ME3: variants seen among roughly 807,000 people sequenced by gnomAD.
The protein encoded by ME3 is malic enzyme 3, also known as NADP-dependent malic enzyme, mitochondrial.
Under a neutral mutation model 68.9 loss-of-function variants are expected in ME3, and 48 were observed. The observed-to-expected ratio is 0.70, with a 90% CI of 0.55 to 0.89. The LOEUF is 0.89. Among genes scored for constraint, ME3 ranks in the 40% least tolerant of loss-of-function variants. The pLI is 0.00. For synonymous variants in ME3, 320 were observed against 318.8 expected (o/e 1.00, Z -0.04); for missense variants, 675 against 797.4 (o/e 0.85, Z 1.85).
At chr11:86,517,868 G>A (rs1249778010) in intron 4 of ME3, among the ~76,000 whole-genome samples, 1 of 152,208 alleles carries the variant, frequency 6.6e-6, no homozygotes, top group East Asian at 1.9e-4. Context: ...AAGTTGTTCA[G>A]AATATGGGTG....
chr11:86,439,078 C>T (rs561221056), downstream of ME3, among the ~76,000 whole-genome samples: 57 of 152,120 alleles, frequency 3.7e-4, no homozygotes, highest in Non-Finnish European at 5.3e-4. Context: ...TCTATTCAGG[C>T]CTTCAACTAA....
At chr11:86,460,181 G>C (rs1466171881) in intron 8 of ME3, among the ~76,000 whole-genome samples, 1 of 152,244 alleles carries the variant, frequency 6.6e-6, no homozygotes, top group African/African-American at 2.4e-5. Flanking sequence ...CTGAGAGGCT[G>C]CCAGCAATGA....
intron 2 of ME3, among the ~76,000 whole-genome samples, chr11:86,654,793 G>A (rs1945740618): frequency 6.6e-6 from 1 of 152,190 alleles, no homozygotes; most frequent in African/African-American, 2.4e-5. Flanking sequence ...ATTAGGAAAA[G>A]AGGAAGTCAA....
At chr11:86,507,993 ATGGCAACTTTTGCATTC>A in intron 5 of ME3, among the ~76,000 whole-genome samples, 1 of 149,500 alleles carries the variant, frequency 6.7e-6, no homozygotes, top group Non-Finnish European at 1.5e-5. Flanking sequence ...AAAAAAAAAT[ATGGCAACTTTTGCATTC>A]TATAACGTAT....
chr11:86,437,161 A>G (rs907360370), downstream of ME3: 2 of 152,200 alleles, frequency 1.3e-5, no homozygotes, highest in African/African-American at 4.8e-5. Context: ...TTATGAGAAC[A>G]TATGGCATTT....
chr11:86,537,832 T>A (rs1436785874), intron 4 of ME3, among the ~76,000 whole-genome samples: 1 of 152,090 alleles, frequency 6.6e-6, no homozygotes, highest in Non-Finnish European at 1.5e-5. Context: ...GCAGGGAGGT[T>A]TCAAAATGTG....
intron 2 of ME3, among the ~76,000 whole-genome samples, chr11:86,568,827 A>G (rs1044186289): frequency 3.9e-5 from 6 of 152,172 alleles, no homozygotes; most frequent in Non-Finnish European, 7.4e-5. Flanking sequence ...ACAAACACCC[A>G]TGAGTTCCTA....
intron 2 of ME3, among the ~76,000 whole-genome samples, chr11:86,644,785 G>A (rs911046606): frequency 2.0e-5 from 3 of 152,180 alleles, no homozygotes; most frequent in Non-Finnish European, 4.4e-5. Context: ...GGTCAAATAG[G>A]AGCAGCTCCG....
intron 2 of ME3, among the ~76,000 whole-genome samples, chr11:86,646,690 A>T (rs1945038683): frequency 6.6e-6 from 1 of 152,230 alleles, no homozygotes; most frequent in African/African-American, 2.4e-5. Context: ...CAAATTCAGG[A>T]AATGCAGAGA....
intron 2 of ME3, among the ~76,000 whole-genome samples, chr11:86,653,206 G>A (rs1283423944): frequency 6.6e-6 from 1 of 151,996 alleles, no homozygotes; most frequent in Non-Finnish European, 1.5e-5. Context: ...AGTTAACAAG[G>A]ATACCCAGGA....
At chr11:86,615,315 A>T (rs1942881188) in intron 2 of ME3, among the ~76,000 whole-genome samples, 1 of 152,204 alleles carries the variant, frequency 6.6e-6, no homozygotes, top group Non-Finnish European at 1.5e-5. Flanking sequence ...CTGGTAAGTA[A>T]GGATTAACTA....
At chr11:86,599,745 C>T (rs1426698512) in intron 2 of ME3, among the ~76,000 whole-genome samples, 10 of 152,098 alleles carry the variant, frequency 6.6e-5, no homozygotes, top group African/African-American at 1.2e-4. Context: ...AGACTGACAG[C>T]GGATCTCTTG....
At chr11:86,554,278 G>A (rs915233732) in intron 4 of ME3, among the ~76,000 whole-genome samples, 1 of 152,170 alleles carries the variant, frequency 6.6e-6, no homozygotes, top group African/African-American at 2.4e-5. Flanking sequence ...CCAGAGTGGG[G>A]TAGACTTGAA....
chr11:86,519,223 G>T (rs1278129509), intron 4 of ME3, among the ~76,000 whole-genome samples: 2 of 152,298 alleles, frequency 1.3e-5, no homozygotes, highest in South Asian at 2.1e-4. Flanking sequence ...CAAGGCAAGT[G>T]TAAGTGAAGT....
chr11:86,605,941 T>C (rs1470450720), intron 2 of ME3, among the ~76,000 whole-genome samples: 2 of 152,130 alleles, frequency 1.3e-5, no homozygotes, highest in African/African-American at 4.8e-5. Context: ...CCAAGTCCCA[T>C]GGGCCTCCCA....
At chr11:86,609,285 G>A (rs1565209687) in intron 2 of ME3, among the ~76,000 whole-genome samples, 2 of 152,162 alleles carry the variant, frequency 1.3e-5, no homozygotes, top group Non-Finnish European at 2.9e-5. Context: ...GATTGACAGT[G>A]TATATACAGT....
intron 6 of ME3, among the ~76,000 whole-genome samples, chr11:86,494,065 G>T (rs1245171135): frequency 8.2e-6 from 1 of 121,538 alleles, no homozygotes; most frequent in Admixed American, 8.0e-5. Context: ...AAAAAAAAAA[G>T]GAACTGTAGT....
At chr11:86,641,133 T>C (rs1298973654) in intron 2 of ME3, among the ~76,000 whole-genome samples, 3 of 152,064 alleles carry the variant, frequency 2.0e-5, no homozygotes, top group Non-Finnish European at 1.5e-5. Context: ...CTGACCCTTA[T>C]GCAATTCTCT....
chr11:86,441,185 C>A (rs1024843002), exon 15 of ME3: 2 of 1,226,914 alleles, frequency 1.6e-6, no homozygotes, highest in Non-Finnish European at 2.2e-6. Context: ...AAAAACACAG[C>A]GACAAGGATT....
Sources: gnomAD v4.1 joint callset for allele counts (sites outside exome capture counted in the v4.1 genomes callset) on GRCh38, gnomAD v4.1.1 for gene constraint, MANE v1.5 for transcripts, NCBI Gene and HGNC (gene_info 2026-07-23, HGNC 2026-07-21) for gene names.